Variants in DYNC2I1 observed in about 807,000 individuals in gnomAD.
The protein encoded by DYNC2I1 is dynein 2 intermediate chain 1.
Under a neutral mutation model 133.4 loss-of-function variants are expected in DYNC2I1, and 89 were observed. That is an observed-to-expected ratio of 0.67 (90% CI 0.56 to 0.80). DYNC2I1 has a LOEUF of 0.80. Ranked by LOEUF, DYNC2I1 falls within the 30% of genes least tolerant of loss-of-function variation. DYNC2I1 has a pLI of 0.00. For synonymous variants in DYNC2I1, 504 were observed against 484.3 expected (o/e 1.04, Z -0.54); for missense variants, 1,291 against 1,314.5 (o/e 0.98, Z 0.28).
chr7:158,955,743 C>T (rs973623211), intron 4 of DYNC2I1, among the ~76,000 whole-genome samples: 1 of 152,234 alleles, frequency 6.6e-6, no homozygotes, highest in African/African-American at 2.4e-5. Flanking sequence ...CCACACGCTG[C>T]TTTTTAATGT....
At chr7:158,908,757 C>T (rs748362830) in intron 11 of DYNC2I1, among the ~76,000 whole-genome samples, 1 of 152,110 alleles carries the variant, frequency 6.6e-6, no homozygotes, top group African/African-American at 2.4e-5. Context: ...GCTGGGCGGT[C>T]GGGAGCTGGA....
intron 1 of DYNC2I1, among the ~76,000 whole-genome samples, chr7:158,867,567 A>C (rs559541629): frequency 6.6e-6 from 1 of 152,282 alleles, no homozygotes; most frequent in Admixed American, 6.5e-5. Context: ...GCGAGGGTGC[A>C]GAAGGGGAGT....
chr7:158,911,634 A>G lies in DYNC2I1; in HGVS notation c.1545A>G (p.Glu515=). The G allele has an allele frequency of 6.2e-7, 1 of 1,613,574 alleles. No homozygotes were observed. Among genetic ancestry groups the G allele is most frequent in the South Asian group, 1.1e-5 (1 of 90,886 alleles). The part of the protein sequence containing the change: ...FSLLDLPPVN[E]YDMYIRNFGK... ...TCTTGGATCTACCACCAGTAAATGA[A>G]TATGACATGTATATCAGAAACTTTG... Residue 515 remains glutamate, a synonymous_variant, in exon 12 of 25, where the codon GAA becomes GAG. Coordinates refer to ENST00000407559, the MANE Select transcript of DYNC2I1 (RefSeq NM_018051.5).
chr7:158,886,854 A>G (rs1210466246), intron 6 of DYNC2I1, among the ~76,000 whole-genome samples, 167 bp from the exon 7 acceptor site: 3 of 152,250 alleles, frequency 2.0e-5, no homozygotes, highest in African/African-American at 4.8e-5. Flanking sequence ...TCCTGCCTCA[A>G]TCTCCCAAAT....
At chr7:158,937,804 G>A (rs1850918967) in intron 23 of DYNC2I1, among the ~76,000 whole-genome samples, 1 of 151,694 alleles carries the variant, frequency 6.6e-6, no homozygotes, top group Non-Finnish European at 1.5e-5. Context: ...GGAGGCTGAG[G>A]CAGTAGGATC....
intron 2 of DYNC2I1, 97 bp downstream of exon 2, chr7:158,870,005 T>C: frequency 9.8e-7 from 1 of 1,022,746 alleles, no homozygotes. Flanking sequence ...TAACTTTGGT[T>C]ATGTGTGCCT....
At chr7:158,877,818 A>G (rs1053411516) in intron 4 of DYNC2I1, among the ~76,000 whole-genome samples, 1 of 152,178 alleles carries the variant, frequency 6.6e-6, no homozygotes, top group Non-Finnish European at 1.5e-5. Context: ...GCGTGGGACT[A>G]ATTAGGAGAG....
chr7:158,849,468 T>C, the DYNC2I1 span, among the ~76,000 whole-genome samples: 4 of 152,198 alleles, frequency 2.6e-5, no homozygotes, highest in South Asian at 8.3e-4. Flanking sequence ...CAAGATCTTT[T>C]CCTGCATCTG....
chr7:158,930,833 A>G (rs1333471563), intron 21 of DYNC2I1, among the ~76,000 whole-genome samples: 2 of 151,882 alleles, frequency 1.3e-5, no homozygotes, highest in African/African-American at 4.8e-5. Context: ...GTGCCCGGCT[A>G]ATTTTTGTAT....
At chr7:158,910,279 C>T (rs1847270214) in intron 11 of DYNC2I1, among the ~76,000 whole-genome samples, 1 of 152,128 alleles carries the variant, frequency 6.6e-6, no homozygotes, top group African/African-American at 2.4e-5. Context: ...GGGCAGAGGG[C>T]CATCGGCCGT....
chr7:158,939,643 A>T (rs564217840), intron 23 of DYNC2I1, among the ~76,000 whole-genome samples: 3 of 152,166 alleles, frequency 2.0e-5, no homozygotes, highest in African/African-American at 7.2e-5. Flanking sequence ...CTGAATGTAA[A>T]TGGTCTCAAT....
downstream of DYNC2I1, among the ~76,000 whole-genome samples, chr7:158,947,616 C>T (rs10259521): frequency 7.8e-3 from 1,189 of 152,264 alleles, 10 homozygotes; most frequent in African/African-American, 0.022. Flanking sequence ...GTTATGTGCC[C>T]GGTCACAGTG....
chr7:158,936,301 C>T (rs1357619070), intron 23 of DYNC2I1, among the ~76,000 whole-genome samples: 1 of 150,646 alleles, frequency 6.6e-6, no homozygotes, highest in Non-Finnish European at 1.5e-5. Context: ...AAACCAAATA[C>T]ATAGCACCAA....
chr7:158,909,805 C>T (rs1847206846), intron 11 of DYNC2I1, among the ~76,000 whole-genome samples: 1 of 152,142 alleles, frequency 6.6e-6, no homozygotes, highest in African/African-American at 2.4e-5. Flanking sequence ...GGGCATTTGA[C>T]GTTCGCACAG....
intron 8 of DYNC2I1, among the ~76,000 whole-genome samples, chr7:158,899,316 A>G (rs1447530737): frequency 2.0e-5 from 3 of 152,188 alleles, no homozygotes; most frequent in Admixed American, 6.5e-5. Context: ...AGGGCTAACT[A>G]TGCATATGTG....
the DYNC2I1 span, among the ~76,000 whole-genome samples, chr7:158,844,423 T>G: frequency 6.6e-6 from 1 of 152,124 alleles, no homozygotes; most frequent in African/African-American, 2.4e-5. Context: ...TGTTTACTCA[T>G]TTCCTTAAAG....
intron 17 of DYNC2I1, among the ~76,000 whole-genome samples, chr7:158,925,073 T>C (rs575110029): frequency 1.8e-4 from 28 of 152,284 alleles, no homozygotes; most frequent in Non-Finnish European, 3.5e-4. Flanking sequence ...TGAAATATTA[T>C]CAATAAAACC....
chr7:158,945,558 T>C lies in DYNC2I1; in HGVS notation c.3003-23T>C, dbSNP rs1247071369. The C allele has an allele frequency of 6.3e-7, 1 of 1,586,232 alleles. No individual in the cohort carries two copies. Among genetic ancestry groups the C allele is most frequent in the Non-Finnish European group, 8.6e-7 (1 of 1,166,868 alleles). On this transcript the variant is annotated intron_variant, in intron 24 of 24. Transcript: ENST00000407559. The surrounding 1 kb of genome is among the most constrained non-coding windows in gnomAD (Gnocchi z 4.1). The stretch of plus-strand genomic sequence containing the variant: ...TGTCCCTTTGTGTGCACTGACCCTC[T>C]GCTTCTGCCCCTCTCCCTGCAGGCT...
chr7:158,916,557 G>T (rs1359220340), intron 14 of DYNC2I1, among the ~76,000 whole-genome samples: 29 of 39,452 alleles, frequency 7.4e-4, no homozygotes, highest in Middle Eastern at 0.023. Context: ...GTGAAACGTC[G>T]ACACGCTGGT....
Sources: gnomAD v4.1 joint callset for allele counts (sites outside exome capture counted in the v4.1 genomes callset) on GRCh38, gnomAD v4.1.1 for gene constraint, Gnocchi (gnomAD v3.1) non-coding constraint, MANE v1.5 for transcripts, NCBI Gene and HGNC (gene_info 2026-07-23, HGNC 2026-07-21) for gene names.